The following GABRB3 variants were observed in gnomAD, a reference collection of about 807,000 sequenced individuals.
GABRB3 encodes the protein gamma-aminobutyric acid type A receptor subunit beta3.
GABRB3 carries 14 observed loss-of-function variants against 52.1 expected under a neutral mutation model. That is an observed-to-expected ratio of 0.27 (90% CI 0.18 to 0.42). The LOEUF is 0.42. Ranked by LOEUF, GABRB3 falls within the 10% of genes least tolerant of loss-of-function variation. The probability of loss-of-function intolerance (pLI) is 1.00; values close to 1 mark genes in which losing one functional copy is unlikely to be tolerated. For synonymous variants in GABRB3, 260 were observed against 232.3 expected (o/e 1.12, Z -1.08); for missense variants, 307 against 609.1 (o/e 0.50, Z 5.22).
intron 3 of GABRB3, among the ~76,000 whole-genome samples, chr15:26,748,892 G>A (rs987484479): frequency 1.3e-5 from 2 of 152,054 alleles, no homozygotes; most frequent in African/African-American, 4.8e-5. Flanking sequence ...CAGGCGTGGT[G>A]GTGTGCACCT....
chr15:26,676,695 C>T (rs1888079544), intron 3 of GABRB3, among the ~76,000 whole-genome samples: 1 of 152,168 alleles, frequency 6.6e-6, no homozygotes, highest in Non-Finnish European at 1.5e-5. Context: ...TAAACATCTC[C>T]ATCAGGCTTA....
At chr15:26,592,805 G>A (rs1891254389) in intron 4 of GABRB3, among the ~76,000 whole-genome samples, 1 of 152,150 alleles carries the variant, frequency 6.6e-6, no homozygotes, top group Non-Finnish European at 1.5e-5. Context: ...ACAAGGTCAG[G>A]AGTTTGAGAC....
intron 4 of GABRB3, among the ~76,000 whole-genome samples, chr15:26,609,816 T>C (rs1174209273): frequency 2.6e-5 from 4 of 152,200 alleles, no homozygotes; most frequent in African/African-American, 7.2e-5. Flanking sequence ...GTTCAAATAC[T>C]AGCTAGCTAG....
intron 3 of GABRB3, among the ~76,000 whole-genome samples, chr15:26,655,718 G>C (rs1396665967): frequency 6.6e-6 from 1 of 151,514 alleles, no homozygotes; most frequent in African/African-American, 2.4e-5. Flanking sequence ...CTCCAGCCTG[G>C]GTGACACAGC....
intron 3 of GABRB3, among the ~76,000 whole-genome samples, chr15:26,684,704 A>T (rs1000811306): frequency 1.3e-5 from 2 of 152,116 alleles, no homozygotes; most frequent in South Asian, 2.1e-4. Flanking sequence ...AAGCCCAAAA[A>T]CAGGAGAGAG....
chr15:26,634,985 AAT>A (rs1555372933), intron 3 of GABRB3, among the ~76,000 whole-genome samples: 121 of 5,850 alleles, frequency 0.021, 6 homozygotes, highest in Admixed American at 0.084. Context: ...TGTATCTCTA[AAT>A]ATATATATAT....
At chr15:26,683,474 T>C (rs1278898897) in intron 3 of GABRB3, among the ~76,000 whole-genome samples, 1 of 152,172 alleles carries the variant, frequency 6.6e-6, no homozygotes, top group Non-Finnish European at 1.5e-5. Context: ...GTCCAGTTCC[T>C]GATATAAGGT....
chr15:26,576,897 A>G (rs1008580453), intron 6 of GABRB3, among the ~76,000 whole-genome samples: 1 of 152,154 alleles, frequency 6.6e-6, no homozygotes, highest in Non-Finnish European at 1.5e-5. Flanking sequence ...CTGAACTCAG[A>G]ATTACTCATA....
chr15:26,609,227 C>A (rs554767659), intron 4 of GABRB3, among the ~76,000 whole-genome samples: 1 of 151,960 alleles, frequency 6.6e-6, no homozygotes, highest in Admixed American at 6.6e-5. Context: ...AAGTGAATTA[C>A]GCCAGTCACA....
At chr15:26,719,222 G>A (rs953269498) in intron 3 of GABRB3, among the ~76,000 whole-genome samples, 1 of 152,250 alleles carries the variant, frequency 6.6e-6, no homozygotes, top group African/African-American at 2.4e-5. Context: ...AGGTGCCCAT[G>A]AGTGTTTGCT....
chr15:26,551,459 A>C (rs999062589), intron 8 of GABRB3, among the ~76,000 whole-genome samples: 3 of 152,142 alleles, frequency 2.0e-5, no homozygotes, highest in African/African-American at 7.2e-5. Context: ...CTCGAGACAC[A>C]CACGGCATGC....
chr15:26,632,678 G>C (rs979798150), intron 3 of GABRB3, among the ~76,000 whole-genome samples: 6 of 152,288 alleles, frequency 3.9e-5, no homozygotes, highest in Admixed American at 1.3e-4. Context: ...TTTGCCGTCG[G>C]TGTTGAGTGT....
chr15:26,708,928 T>C (rs1889195220), intron 3 of GABRB3, among the ~76,000 whole-genome samples: 1 of 152,198 alleles, frequency 6.6e-6, no homozygotes, highest in South Asian at 2.1e-4. Flanking sequence ...AGCACATAAC[T>C]GGTATGTGTT....
intron 4 of GABRB3, among the ~76,000 whole-genome samples, chr15:26,588,754 A>AT (rs1268895023): frequency 6.6e-6 from 1 of 152,226 alleles, no homozygotes; most frequent in Non-Finnish European, 1.5e-5. Flanking sequence ...AATTGGAAAT[A>AT]TAATGAGTAA....
chr15:26,686,286 T>C (rs7178255), intron 3 of GABRB3, among the ~76,000 whole-genome samples: 17,137 of 152,180 alleles, frequency 0.11, 1,063 homozygotes, highest in Non-Finnish European at 0.15. Context: ...ATGACTGTTA[T>C]AAAAATGACC....
intron 3 of GABRB3, among the ~76,000 whole-genome samples, chr15:26,665,518 C>A (rs1028850746): frequency 4.6e-5 from 7 of 152,162 alleles, no homozygotes; most frequent in African/African-American, 1.7e-4. Context: ...TTAACGTTTT[C>A]TTTTTGATAT....
At chr15:26,675,700 G>A (rs114857915) in intron 3 of GABRB3, among the ~76,000 whole-genome samples, 4 of 152,046 alleles carry the variant, frequency 2.6e-5, no homozygotes, top group African/African-American at 7.2e-5. Context: ...TGTTGGAGGT[G>A]GGGGGAGGTC....
chr15:26,618,759 A>T (rs1302645821), intron 4 of GABRB3, among the ~76,000 whole-genome samples: 1 of 152,096 alleles, frequency 6.6e-6, no homozygotes, highest in African/African-American at 2.4e-5. Flanking sequence ...AATTTTTGCA[A>T]CCTACTCATC....
intron 3 of GABRB3, among the ~76,000 whole-genome samples, chr15:26,755,130 A>G (rs1443886511): frequency 6.6e-6 from 1 of 151,528 alleles, no homozygotes; most frequent in Non-Finnish European, 1.5e-5. Flanking sequence ...CAGCCTCCCA[A>G]GTACCTGGGA....
Sources: allele counts gnomAD v4.1 joint callset (sites outside exome capture counted in the v4.1 genomes callset), GRCh38; gene constraint gnomAD v4.1.1; transcripts MANE v1.5; gene names NCBI Gene and HGNC (gene_info 2026-07-23, HGNC 2026-07-21).